Variants in RUNX1 observed in about 807,000 individuals in gnomAD.
RUNX1 encodes the protein RUNX family transcription factor 1, also known as runt-related transcription factor 1.
A neutral mutation model predicts 42.8 loss-of-function variants in RUNX1; 19 were observed. The observed-to-expected ratio is 0.44, with a 90% CI of 0.31 to 0.65. RUNX1 has a LOEUF of 0.65. Ranked by LOEUF, RUNX1 falls within the 30% of genes least tolerant of loss-of-function variation. RUNX1 has a pLI of 0.07. For synonymous variants in RUNX1, 271 were observed against 289.4 expected, an observed-to-expected ratio of 0.94 and a Z score of 0.64; for missense variants, 528 against 672.0, an observed-to-expected ratio of 0.79 and a Z score of 2.37.
At chr21:34,955,497 C>T (rs868388622) in intron 2 of RUNX1, among the ~76,000 whole-genome samples, 1 of 152,158 alleles carries the variant, frequency 6.6e-6, no homozygotes, top group South Asian at 2.1e-4. Flanking sequence ...AGGATTATAA[C>T]TCTGAACTCA....
chr21:34,963,105 T>C (rs918858777), intron 2 of RUNX1, among the ~76,000 whole-genome samples: 2 of 152,210 alleles, frequency 1.3e-5, no homozygotes, highest in African/African-American at 4.8e-5. Context: ...GGGACAGGGC[T>C]GGGACTCTGG....
In RUNX1 at chr21:34,848,560, G is replaced by A. The variant is rs527488093; in HGVS notation, c.613+10914C>T. Reference sequence around the variant, plus strand: ...AGTGATTCTCCTGCCTCAGCATCCCGAGTAGCTGGGATTATAGGCGCCTGC... The same window carrying A: ...AGTGATTCTCCTGCCTCAGCATCCCAAGTAGCTGGGATTATAGGCGCCTGC... On this transcript the variant is annotated intron_variant, in intron 6 of 8. Coordinates refer to ENST00000675419, the MANE Select transcript of RUNX1 (RefSeq NM_001754.5). Among the ~76,000 whole-genome samples the A allele has an allele frequency of 1.2e-3, 182 of 152,238 alleles. 1 individual carries two copies. In the Middle Eastern group the frequency reaches 0.014, roughly 11 times the overall value.
intron 6 of RUNX1, among the ~76,000 whole-genome samples, chr21:34,853,757 T>C (rs997755691): frequency 6.6e-6 from 1 of 151,928 alleles, no homozygotes; most frequent in African/African-American, 2.4e-5. Flanking sequence ...TATTTTTAGG[T>C]CCATTATCAC....
Position 34,788,690 on chromosome 21 carries a change from A to G in RUNX1, c.*3445T>C, listed in dbSNP as rs149952979. 1.6e-4 allele frequency: 37 copies of G among 233,564 alleles called. No individual in the cohort carries two copies. In the East Asian group the frequency reaches 2.2e-3, roughly 14 times the overall value. The allele number at this position is 233,564 out of a possible 1,614,324, so 14.5% of individuals were successfully genotyped here. A position where few individuals can be genotyped will look rare whatever the true frequency, so the allele number is the denominator to read the frequency against. Reference sequence around the variant, plus strand: ...AAAAAAGAGCCAAATGATCAGCCTCATCAATACTGACCTGGCTAAAAACAA... The same window carrying G: ...AAAAAAGAGCCAAATGATCAGCCTCGTCAATACTGACCTGGCTAAAAACAA... On this transcript the variant is annotated 3_prime_UTR_variant, in exon 9 of 9. Transcript: ENST00000675419.
chr21:35,025,771 TGTGAGG>T (rs1396378846), intron 2 of RUNX1, among the ~76,000 whole-genome samples: 1 of 152,104 alleles, frequency 6.6e-6, no homozygotes, highest in Non-Finnish European at 1.5e-5. Context: ...GAGTGATTGC[TGTGAGG>T]AATTGCTCAA....
chr21:34,811,310 CCT>C (rs759735528), intron 7 of RUNX1, among the ~76,000 whole-genome samples: 4 of 152,230 alleles, frequency 2.6e-5, no homozygotes, highest in African/African-American at 4.8e-5. Flanking sequence ...GTGCTCTCTT[CCT>C]CTGTTTTTCT....
chr21:34,950,442 A>ATAAT (rs553167201), intron 2 of RUNX1, among the ~76,000 whole-genome samples: 7,559 of 152,296 alleles, frequency 0.05, 601 homozygotes, highest in African/African-American at 0.17. Context: ...TGCCTTGTAC[A>ATAAT]TAACTGCACA....
chr21:34,976,322 G>C (rs1344787464), intron 2 of RUNX1, among the ~76,000 whole-genome samples: 3 of 151,962 alleles, frequency 2.0e-5, no homozygotes, highest in Non-Finnish European at 4.4e-5. Flanking sequence ...AAATATATGG[G>C]CTCCTTTTTT....
At chr21:34,921,238 T>C (rs1236357478) in intron 2 of RUNX1, among the ~76,000 whole-genome samples, 2 of 152,172 alleles carry the variant, frequency 1.3e-5, no homozygotes, top group East Asian at 1.9e-4. Context: ...CTCCAGAACA[T>C]TTTTGTCTTC....
chr21:35,024,099 G>C (rs895001505), intron 2 of RUNX1, among the ~76,000 whole-genome samples: 1 of 152,102 alleles, frequency 6.6e-6, no homozygotes, highest in Non-Finnish European at 1.5e-5. Context: ...TTACAGCTAG[G>C]TGCCTCCATA....
At chr21:34,812,461 A>G (rs957763724) in intron 7 of RUNX1, among the ~76,000 whole-genome samples, 1 of 152,234 alleles carries the variant, frequency 6.6e-6, no homozygotes, top group African/African-American at 2.4e-5. Context: ...GCTCTGAACA[A>G]AGGACACAAA....
chr21:34,815,208 GGA>G (rs2056808976), intron 7 of RUNX1, among the ~76,000 whole-genome samples: 1 of 151,864 alleles, frequency 6.6e-6, no homozygotes, highest in Non-Finnish European at 1.5e-5. Context: ...AGGTTGACAA[GGA>G]GAGTGACCAT....
intron 2 of RUNX1, among the ~76,000 whole-genome samples, chr21:34,930,270 G>GTGTGTGTGTATATATATA (rs372412304): frequency 4.1e-5 from 5 of 123,012 alleles, no homozygotes; most frequent in African/African-American, 1.9e-4. Context: ...GTGTGTGTAT[G>GTGTGTGTGTATATATATA]TATATATATA....
chr21:34,948,828 C>T (rs1257379457), intron 2 of RUNX1, among the ~76,000 whole-genome samples: 1 of 152,106 alleles, frequency 6.6e-6, no homozygotes, highest in African/African-American at 2.4e-5. Flanking sequence ...TCATTGCAAC[C>T]TCCGCCTCCC....
chr21:34,792,318 G>GCCCCCCC lies in RUNX1; in HGVS notation c.1259_1260insGGGGGGG (p.Glu422GlyfsTer180). 4.1e-6 allele frequency: 6 copies of GCCCCCCC among 1,469,984 alleles called. No homozygotes were observed. The highest frequency in any genetic ancestry group is 2.9e-5 in the African/African-American group (2 of 70,122). The allele number at this position is 1,469,984 out of a possible 1,614,324, so 91.1% of individuals were successfully genotyped here. A position where few individuals can be genotyped will look rare whatever the true frequency, so the allele number is the denominator to read the frequency against. The stretch of plus-strand genomic sequence containing the variant: ...GGATGCGCGGCGGCGAGCGCTCGCC[G>GCCCCCCC]CCCACCATGGAGAACTGGTAGGAGC... On this transcript the variant is annotated frameshift_variant, in exon 9 of 9. Transcript: ENST00000675419. LOFTEE classifies it high-confidence loss of function. This position sits in a 1 kb window ranked among gnomAD's most constrained non-coding sequence, Gnocchi z 6.9.
intron 2 of RUNX1, among the ~76,000 whole-genome samples, chr21:34,897,760 C>T (rs12329906): frequency 9.2e-5 from 14 of 152,144 alleles, no homozygotes; most frequent in Non-Finnish European, 1.8e-4. Context: ...GAAGCAGAAA[C>T]TGGTTGTAGA....
intron 2 of RUNX1, among the ~76,000 whole-genome samples, chr21:34,917,411 T>C (rs548053351): frequency 6.6e-6 from 1 of 152,298 alleles, no homozygotes; most frequent in Admixed American, 6.5e-5. Context: ...TTGCAAATCA[T>C]CAGGCAGTTT....
intron 2 of RUNX1, among the ~76,000 whole-genome samples, chr21:34,985,860 G>A (rs1255279526): frequency 7.1e-6 from 1 of 141,314 alleles, no homozygotes; most frequent in Non-Finnish European, 1.5e-5. Context: ...CAACAACTCT[G>A]ACCAGACTTT....
At position 35,045,769 on chromosome 21, in the gene RUNX1, C is replaced by T. The variant is rs150000841; in HGVS notation, c.58+3073G>A. Among the ~76,000 whole-genome samples the T allele has an allele frequency of 2.4e-4, 36 of 152,204 alleles. No individual in the cohort carries two copies. In the Middle Eastern group the frequency reaches 0.01, roughly 43 times the overall value. ...TATTCTTCTGAAAAGAGCGGCAAGC[C>T]GATGCTTAGAGAAGAACATACTTTA... On this transcript the variant is annotated intron_variant, in intron 2 of 8. Coordinates refer to ENST00000675419, the MANE Select transcript of RUNX1 (RefSeq NM_001754.5).
Sources: gnomAD v4.1 joint callset for allele counts (sites outside exome capture counted in the v4.1 genomes callset) on GRCh38, gnomAD v4.1.1 for gene constraint, Gnocchi (gnomAD v3.1) non-coding constraint, MANE v1.5 for transcripts, NCBI Gene and HGNC (gene_info 2026-07-23, HGNC 2026-07-21) for gene names.